ANKIB1: variants seen among roughly 807,000 people sequenced by gnomAD.
ANKIB1 encodes ankyrin repeat and IBR domain containing 1, also known as ankyrin repeat and IBR domain-containing protein 1.
In ANKIB1, 43 loss-of-function variants were observed where a neutral mutation model predicts 122.1. That is an observed-to-expected ratio of 0.35 (90% confidence interval 0.28 to 0.45). The LOEUF is 0.45. Ranked by LOEUF, ANKIB1 falls within the 20% of genes least tolerant of loss-of-function variation. The pLI, the probability that ANKIB1 is intolerant of heterozygous loss-of-function variation, is 1.00. For synonymous variants in ANKIB1, 390 were observed against 442.0 expected, an observed-to-expected ratio of 0.88 and a Z score of 1.48; for missense variants, 992 against 1,329.5, an observed-to-expected ratio of 0.75 and a Z score of 3.95.
At chr7:92,361,138 A>T (rs180801376) in intron 9 of ANKIB1, among the ~76,000 whole-genome samples, 288 of 152,338 alleles carry the variant, frequency 1.9e-3, no homozygotes, top group Non-Finnish European at 2.2e-3. Context: ...TATTTACTGG[A>T]ATAATTACCT....
At position 92,290,370 on chromosome 7, in the gene ANKIB1, A is replaced by AGTGTGTGTGTGTGTGT. The variant is rs34404682; in HGVS notation, c.-90-4500_-90-4485dup. On this transcript the variant is annotated intron_variant, in intron 1 of 19. Transcript: ENST00000265742. ...AGACTAAATTGAGTATATGTATGAA[A>AGTGTGTGTGTGTGTGT]GTGTGTGTGTGTGTGTGTGTGTGTG... 2.7e-4 allele frequency among the ~76,000 whole-genome samples: 38 copies of AGTGTGTGTGTGTGTGT among 141,412 alleles called. No individual in the cohort carries two copies. The East Asian group carries it at 2.9e-3, about 11-fold the overall frequency. The allele number at this position is 141,412 out of a possible 152,430, so 92.8% of individuals were successfully genotyped here.
chr7:92,273,517 A>G (rs912893382), intron 1 of ANKIB1, among the ~76,000 whole-genome samples: 2 of 152,216 alleles, frequency 1.3e-5, no homozygotes, highest in African/African-American at 4.8e-5. Context: ...CCAAGATTGC[A>G]TTGCCTGAAT....
intron 1 of ANKIB1, among the ~76,000 whole-genome samples, chr7:92,271,390 T>C (rs1801787751): frequency 6.6e-6 from 1 of 152,228 alleles, no homozygotes; most frequent in Non-Finnish European, 1.5e-5. Context: ...GATCAATTAG[T>C]GTGTTTCCTT....
chr7:92,366,660 T>C (rs1422466589), intron 10 of ANKIB1, among the ~76,000 whole-genome samples: 1 of 152,192 alleles, frequency 6.6e-6, no homozygotes, highest in African/African-American at 2.4e-5. Context: ...TGGGGTTTCT[T>C]CCCACAATTC....
At chr7:92,391,650 T>C (rs1804786851) in intron 16 of ANKIB1, among the ~76,000 whole-genome samples, 1 of 152,082 alleles carries the variant, frequency 6.6e-6, no homozygotes. Flanking sequence ...AAATATGTAA[T>C]ATATATAGTG....
intron 11 of ANKIB1, among the ~76,000 whole-genome samples, chr7:92,372,531 A>G (rs1342611490): frequency 1.3e-5 from 2 of 152,180 alleles, no homozygotes; most frequent in African/African-American, 4.8e-5. Context: ...GCCAGACTTT[A>G]GGTCTGCTAA....
At chr7:92,260,195 CT>C (rs1801531970) in intron 1 of ANKIB1, among the ~76,000 whole-genome samples, 1 of 152,156 alleles carries the variant, frequency 6.6e-6, no homozygotes, top group Non-Finnish European at 1.5e-5. Flanking sequence ...TTGCCTGCCC[CT>C]ATTCTCTTGA....
chr7:92,300,474 C>T (rs948785945), intron 2 of ANKIB1, among the ~76,000 whole-genome samples: 1 of 152,006 alleles, frequency 6.6e-6, no homozygotes, highest in Admixed American at 6.6e-5. Flanking sequence ...GAATAAACAA[C>T]CCTAATTCTT....
chr7:92,365,787 T>C (rs1177737077), intron 10 of ANKIB1, among the ~76,000 whole-genome samples: 1 of 113,970 alleles, frequency 8.8e-6, no homozygotes, highest in African/African-American at 3.3e-5. Flanking sequence ...TATTAAATAA[T>C]CTTTTTTTTT....
chr7:92,264,467 G>A (rs929574992), intron 1 of ANKIB1, among the ~76,000 whole-genome samples: 4 of 151,842 alleles, frequency 2.6e-5, no homozygotes, highest in South Asian at 4.2e-4. Context: ...GCGTGTTGTC[G>A]GCTCACCACA....
At chr7:92,296,655 T>C (rs1216575355) in intron 2 of ANKIB1, among the ~76,000 whole-genome samples, 1 of 152,190 alleles carries the variant, frequency 6.6e-6, no homozygotes, top group African/African-American at 2.4e-5. Flanking sequence ...TATTATATTT[T>C]ACAATTTTGT....
At chr7:92,298,479 A>G (rs1802399151) in intron 2 of ANKIB1, among the ~76,000 whole-genome samples, 1 of 152,072 alleles carries the variant, frequency 6.6e-6, no homozygotes, top group Non-Finnish European at 1.5e-5. Context: ...GAGTTTACAA[A>G]TATACTTTAT....
chr7:92,284,854 T>G (rs1203990179), intron 1 of ANKIB1, among the ~76,000 whole-genome samples: 2 of 152,268 alleles, frequency 1.3e-5, no homozygotes, highest in Non-Finnish European at 2.9e-5. Context: ...GAATGGCCTT[T>G]CTATTCATTT....
At chr7:92,346,711 C>G (rs1400974129) in intron 7 of ANKIB1, among the ~76,000 whole-genome samples, 1 of 152,128 alleles carries the variant, frequency 6.6e-6, no homozygotes, top group African/African-American at 2.4e-5. Context: ...GAAGTACTAC[C>G]TGAGCTCTAC....
At chr7:92,321,612 A>T (rs1332290099) in intron 4 of ANKIB1, among the ~76,000 whole-genome samples, 1 of 152,196 alleles carries the variant, frequency 6.6e-6, no homozygotes, top group Non-Finnish European at 1.5e-5. Flanking sequence ...TCCCAAAAGG[A>T]TTCTGATTCC....
intron 5 of ANKIB1, among the ~76,000 whole-genome samples, chr7:92,331,369 G>C (rs1377543715): frequency 6.6e-6 from 1 of 151,310 alleles, no homozygotes; most frequent in Non-Finnish European, 1.5e-5. Flanking sequence ...CTGGGTTCAA[G>C]CGATTCTCTT....
chr7:92,291,622 G>A (rs2131915593), intron 1 of ANKIB1, among the ~76,000 whole-genome samples: 1 of 148,692 alleles, frequency 6.7e-6, no homozygotes, highest in Admixed American at 6.7e-5. Context: ...CTGGGCCTGG[G>A]CTGGAGCGCA....
At chr7:92,313,536 C>T (rs1802734302) in intron 3 of ANKIB1, among the ~76,000 whole-genome samples, 1 of 152,084 alleles carries the variant, frequency 6.6e-6, no homozygotes, top group Admixed American at 6.6e-5. Context: ...TATTATGATG[C>T]TAAGGCCTAT....
rs574481872 is a variant in ANKIB1, at chr7:92,275,518, A to T, written c.-90-19371A>T. ...GATATTTAATTGGCAGAGGTCAGGG[A>T]TGATTAACATTGCGAAATGTGAGGG... On this transcript the variant is annotated intron_variant, in intron 1 of 19. Transcript: ENST00000265742. 3.3e-4 allele frequency among the ~76,000 whole-genome samples: 50 copies of T among 152,290 alleles called. 1 individual carries two copies. The South Asian group carries it at 0.01, about 31-fold the overall frequency.
Sources: allele counts gnomAD v4.1 joint callset (sites outside exome capture counted in the v4.1 genomes callset), GRCh38; gene constraint gnomAD v4.1.1; transcripts MANE v1.5; gene names NCBI Gene and HGNC (gene_info 2026-07-23, HGNC 2026-07-21).